Variants in MAP2K1 observed in about 807,000 individuals in gnomAD.
MAP2K1 encodes dual specificity mitogen-activated protein kinase kinase 1.
MAP2K1 carries 16 observed loss-of-function variants against 46.3 expected under a neutral mutation model. That is an observed-to-expected ratio of 0.35 (90% confidence interval 0.23 to 0.52). The LOEUF (loss-of-function observed/expected upper bound fraction) is 0.52, where lower values mean the gene tolerates loss of function less well. Ranked by LOEUF, MAP2K1 falls within the 20% of genes least tolerant of loss-of-function variation. MAP2K1 has a pLI of 0.94. For missense variants in MAP2K1, 263 were observed against 497.1 expected, an observed-to-expected ratio of 0.53 and a Z score of 4.48; for synonymous variants, 183 against 185.6, an observed-to-expected ratio of 0.99 and a Z score of 0.11.
chr15:66,446,341 A>G (rs1891866620), intron 5 of MAP2K1: 1 of 153,298 alleles, frequency 6.5e-6, no homozygotes, highest in African/African-American at 2.4e-5. Context: ...CAGGAGGCTA[A>G]GGCAGGAGAA....
Position 66,491,377 on chromosome 15 carries a change from C to T in MAP2K1, c.*762C>T. 1.7e-5 allele frequency: 4 copies of T among 232,018 alleles called. No homozygotes were observed. Among genetic ancestry groups the T allele is most frequent in the Non-Finnish European group, 3.4e-5 (4 of 117,274 alleles). The allele number at this position is 232,018 out of a possible 1,614,324, so 14.4% of individuals were successfully genotyped here. A position where few individuals can be genotyped will look rare whatever the true frequency, so the allele number is the denominator to read the frequency against. On this transcript the variant is annotated 3_prime_UTR_variant, in exon 11 of 11. Transcript: ENST00000307102. ...CAAATTGATCAAGATATTAAAATGT[C>T]GGATTTATCTTTCCCCATATCCAAG...
At chr15:66,483,829 G>A (rs1176227361) in intron 6 of MAP2K1, among the ~76,000 whole-genome samples, 1 of 145,568 alleles carries the variant, frequency 6.9e-6, no homozygotes, top group Non-Finnish European at 1.5e-5. Context: ...CTTACTGCAA[G>A]CCCTGCCTCC....
chr15:66,478,367 A>G (rs988257477), intron 5 of MAP2K1, among the ~76,000 whole-genome samples: 1 of 118,756 alleles, frequency 8.4e-6, no homozygotes, highest in Non-Finnish European at 1.8e-5. Flanking sequence ...ATACACACAT[A>G]TATGTTAAAT....
intron 5 of MAP2K1, among the ~76,000 whole-genome samples, chr15:66,452,479 C>T (rs975734265): frequency 5.3e-5 from 8 of 152,130 alleles, no homozygotes; most frequent in African/African-American, 1.7e-4. Context: ...CTCTGAGTTC[C>T]ATGTTAGAAT....
chr15:66,401,866 G>A (rs1428433421), intron 1 of MAP2K1: 3 of 684,496 alleles, frequency 4.4e-6, no homozygotes, highest in South Asian at 2.9e-5. Flanking sequence ...AAGTGGGAAA[G>A]CCTGGGATGT....
intron 5 of MAP2K1, among the ~76,000 whole-genome samples, chr15:66,448,190 T>C (rs1891931143): frequency 6.7e-6 from 1 of 149,180 alleles, no homozygotes. Context: ...ATTTCCCCCT[T>C]TCCCCATCCA....
chr15:66,484,956 G>T (rs775587869), intron 6 of MAP2K1, 34 bp from the exon 7 acceptor site: 8 of 1,579,636 alleles, frequency 5.1e-6, no homozygotes, highest in Admixed American at 5.0e-5. Flanking sequence ...TCCAAGTTAG[G>T]TTAGGTGATT....
chr15:66,390,315 G>A (rs1255549538), intron 1 of MAP2K1, among the ~76,000 whole-genome samples: 1 of 152,164 alleles, frequency 6.6e-6, no homozygotes. Context: ...CAAGCAAAAT[G>A]TTCCCTATCT....
intron 5 of MAP2K1, among the ~76,000 whole-genome samples, chr15:66,478,137 C>G (rs1892801787): frequency 6.6e-6 from 1 of 151,778 alleles, no homozygotes; most frequent in Non-Finnish European, 1.5e-5. Context: ...CTCCCTCTCT[C>G]TGTTCACATC....
rs1567003252 is a variant in MAP2K1 at position 66,420,857 on chromosome 15, G to GTATA, written c.81-14169_81-14168insATAT. 1.4e-3 allele frequency among the ~76,000 whole-genome samples: 165 copies of GTATA among 119,354 alleles called. 28 individuals are homozygous for GTATA. The highest frequency in any genetic ancestry group is 7.9e-3 in the East Asian group (36 of 4,558). 78.3% of individuals were successfully genotyped at this position (119,354 alleles called of 152,430 possible). A position where few individuals can be genotyped will look rare whatever the true frequency, so the allele number is the denominator to read the frequency against. ...TATATATATGTGTGTATATATATGT[G>GTATA]TGTATATATATGTGTGTATATATAT... On this transcript the variant is annotated intron_variant, in intron 1 of 10. Coordinates refer to ENST00000307102, the MANE Select transcript of MAP2K1 (RefSeq NM_002755.4).
At chr15:66,456,367 C>A (rs1239346118) in intron 5 of MAP2K1, among the ~76,000 whole-genome samples, 1 of 152,162 alleles carries the variant, frequency 6.6e-6, no homozygotes, top group Non-Finnish European at 1.5e-5. Flanking sequence ...AGTCAGAATT[C>A]TTTGGTGTGG....
At chr15:66,389,560 A>G (rs2093351782) in intron 1 of MAP2K1, among the ~76,000 whole-genome samples, 1 of 145,314 alleles carries the variant, frequency 6.9e-6, no homozygotes, top group African/African-American at 2.5e-5. Context: ...TTTGAAGCCT[A>G]GCTCTGTTGT....
chr15:66,389,403 G>T (rs1390542937), intron 1 of MAP2K1, among the ~76,000 whole-genome samples: 1 of 152,110 alleles, frequency 6.6e-6, no homozygotes, highest in Non-Finnish European at 1.5e-5. Flanking sequence ...TACCACAACT[G>T]TATTCTCTCA....
At chr15:66,420,759 G>GTATATATATGTGTATATA (rs772406179) in intron 1 of MAP2K1, among the ~76,000 whole-genome samples, 1 of 40,080 alleles carries the variant, frequency 2.5e-5, no homozygotes, top group African/African-American at 9.6e-5. Context: ...GTGTGTGTGT[G>GTATATATATGTGTATATA]TATGTGTGTA....
chr15:66,472,075 CAAAAA>C (rs56820379), intron 5 of MAP2K1, among the ~76,000 whole-genome samples: 1 of 91,576 alleles, frequency 1.1e-5, no homozygotes, highest in Non-Finnish European at 2.0e-5. Flanking sequence ...GACTCCATCT[CAAAAA>C]AAAAAAAAAA....
intron 1 of MAP2K1, among the ~76,000 whole-genome samples, chr15:66,406,759 G>A (rs1230581696): frequency 6.6e-6 from 1 of 152,168 alleles, no homozygotes; most frequent in Non-Finnish European, 1.5e-5. Flanking sequence ...GGCTGGGTGC[G>A]GTGGCTCACA....
rs141850992 is a variant in MAP2K1, at chr15:66,469,829, T to A, written c.569-11926T>A. Among the ~76,000 whole-genome samples the A allele has an allele frequency of 4.1e-4, 62 of 149,658 alleles. 2 individuals are homozygous for A. The East Asian group carries it at 0.012, about 29-fold the overall frequency. On this transcript the variant is annotated intron_variant, in intron 5 of 10. Coordinates refer to ENST00000307102, the MANE Select transcript of MAP2K1 (RefSeq NM_002755.4). ...TATTTCTGCTTGGACAAATTGCTGCTGTTTCAGAAGTACCAAATATCAAAC... is the reference window on the plus strand; with the variant it reads ...TATTTCTGCTTGGACAAATTGCTGCAGTTTCAGAAGTACCAAATATCAAAC...
chr15:66,486,978 A>G (rs1893056396), intron 7 of MAP2K1, among the ~76,000 whole-genome samples: 1 of 152,236 alleles, frequency 6.6e-6, no homozygotes, highest in Admixed American at 6.5e-5. Flanking sequence ...CTGCTTTACA[A>G]AACTCAGAAC....
chr15:66,483,310 C>T (rs1014795526), intron 6 of MAP2K1, among the ~76,000 whole-genome samples: 1 of 152,186 alleles, frequency 6.6e-6, no homozygotes, highest in South Asian at 2.1e-4. Context: ...CACCCCTCCC[C>T]TCCAGTGACC....
Sources: allele counts gnomAD v4.1 joint callset (sites outside exome capture counted in the v4.1 genomes callset), GRCh38; gene constraint gnomAD v4.1.1; transcripts MANE v1.5; gene names NCBI Gene and HGNC (gene_info 2026-07-23, HGNC 2026-07-21).